Variants in LINGO2 observed in about 807,000 individuals in gnomAD.
LINGO2 encodes the protein leucine-rich repeat and immunoglobulin-like domain-containing nogo receptor-interacting protein 2.
Under a neutral mutation model 30.6 loss-of-function variants are expected in LINGO2, and 14 were observed. That is an observed-to-expected ratio of 0.46 (90% confidence interval 0.30 to 0.72). The LOEUF (loss-of-function observed/expected upper bound fraction) is 0.72. Ranked by LOEUF, LINGO2 falls within the 30% of genes least tolerant of loss-of-function variation. The probability of loss-of-function intolerance (pLI) is 0.07; values close to 1 mark genes in which losing one functional copy is unlikely to be tolerated. For synonymous variants in LINGO2, 317 were observed against 288.5 expected (o/e 1.10, Z -1.00); for missense variants, 729 against 751.7 (o/e 0.97, Z 0.35).
At chr9:28,707,935 T>C in the LINGO2 span, among the ~76,000 whole-genome samples, 91 of 152,160 alleles carry the variant, frequency 6.0e-4, no homozygotes, top group Middle Eastern at 3.4e-3. Context: ...TCAGAAAAAC[T>C]GCAAGTGAAA....
the LINGO2 span, among the ~76,000 whole-genome samples, chr9:28,907,377 A>T: frequency 6.6e-6 from 1 of 151,986 alleles, no homozygotes; most frequent in Non-Finnish European, 1.5e-5. Flanking sequence ...AAGAGAAAGT[A>T]GAGTAGAATA....
At chr9:28,980,499 A>G in the LINGO2 span, among the ~76,000 whole-genome samples, 1 of 152,028 alleles carries the variant, frequency 6.6e-6, no homozygotes, top group Non-Finnish European at 1.5e-5. Context: ...GTCTCTGGAG[A>G]AGAGTTTGTT....
chr9:28,912,533 T>C, the LINGO2 span, among the ~76,000 whole-genome samples: 2 of 152,082 alleles, frequency 1.3e-5, no homozygotes, highest in South Asian at 2.1e-4. Context: ...TATGTGACAG[T>C]TGCCCATAGG....
intron 4 of LINGO2, among the ~76,000 whole-genome samples, chr9:28,181,294 A>C (rs1288047653): frequency 6.6e-6 from 1 of 152,214 alleles, no homozygotes; most frequent in African/African-American, 2.4e-5. Flanking sequence ...CTGAGCAGAA[A>C]TATTGTGTAA....
intron 4 of LINGO2, among the ~76,000 whole-genome samples, chr9:28,081,530 C>A (rs948562531): frequency 6.6e-6 from 1 of 152,120 alleles, no homozygotes; most frequent in African/African-American, 2.4e-5. Flanking sequence ...GTATTTTATT[C>A]AATTACAATT....
At chr9:28,467,195 T>C (rs1825349130) in intron 2 of LINGO2, among the ~76,000 whole-genome samples, 1 of 151,970 alleles carries the variant, frequency 6.6e-6, no homozygotes, top group African/African-American at 2.4e-5. Context: ...CTGGCTAATT[T>C]TTTGTATTTT....
intron 1 of LINGO2, among the ~76,000 whole-genome samples, chr9:28,609,255 T>C (rs1307187530): frequency 6.6e-6 from 1 of 151,542 alleles, no homozygotes; most frequent in Non-Finnish European, 1.5e-5. Context: ...CTAGCAAGGA[T>C]GCAAAATATA....
At chr9:28,674,268 T>C (rs1256006191), upstream of LINGO2, among the ~76,000 whole-genome samples, 2 of 152,100 alleles carry the variant, frequency 1.3e-5, no homozygotes, top group African/African-American at 4.8e-5. Flanking sequence ...TACAATAATG[T>C]AATAATCTTT....
chr9:28,353,224 A>C (rs1312011532), intron 3 of LINGO2, among the ~76,000 whole-genome samples: 5 of 135,412 alleles, frequency 3.7e-5, no homozygotes, highest in East Asian at 2.1e-4. Flanking sequence ...CAACCTACAA[A>C]ATGGGAGAAA....
the LINGO2 span, among the ~76,000 whole-genome samples, chr9:29,056,905 T>C: frequency 6.6e-6 from 1 of 152,194 alleles, no homozygotes; most frequent in African/African-American, 2.4e-5. Context: ...TGTAAGAATT[T>C]GGCTTTATTT....
the LINGO2 span, among the ~76,000 whole-genome samples, chr9:29,041,251 T>G: frequency 6.6e-6 from 1 of 151,982 alleles, no homozygotes; most frequent in African/African-American, 2.4e-5. Context: ...AACCTATCAA[T>G]TTTCCCCAAA....
intron 4 of LINGO2, among the ~76,000 whole-genome samples, chr9:28,134,661 G>A (rs1433308545): frequency 2.6e-5 from 4 of 152,214 alleles, no homozygotes; most frequent in Non-Finnish European, 4.4e-5. Flanking sequence ...TGGAGATGTA[G>A]TAAACATGGC....
chr9:27,984,875 T>C (rs955040890), intron 5 of LINGO2, among the ~76,000 whole-genome samples: 1 of 151,894 alleles, frequency 6.6e-6, no homozygotes, highest in Non-Finnish European at 1.5e-5. Flanking sequence ...TTAAATGACT[T>C]GCCCAAGGTC....
chr9:29,123,212 A>T, the LINGO2 span, among the ~76,000 whole-genome samples: 69 of 152,222 alleles, frequency 4.5e-4, no homozygotes, highest in Non-Finnish European at 8.4e-4. Context: ...ACAATCAATG[A>T]AACAGACAAC....
chr9:28,697,132 C>A, the LINGO2 span, among the ~76,000 whole-genome samples: 1 of 151,884 alleles, frequency 6.6e-6, no homozygotes, highest in Admixed American at 6.6e-5. Flanking sequence ...GCCTTTTATT[C>A]CTTGACTGAT....
the LINGO2 span, among the ~76,000 whole-genome samples, chr9:29,074,005 T>C: frequency 6.7e-6 from 1 of 149,156 alleles, no homozygotes; most frequent in Admixed American, 6.8e-5. Context: ...ACATCTTGGA[T>C]TTTCACAATT....
the LINGO2 span, among the ~76,000 whole-genome samples, chr9:28,975,162 T>C: frequency 6.6e-6 from 1 of 151,704 alleles, no homozygotes; most frequent in Non-Finnish European, 1.5e-5. Flanking sequence ...CTGAGGTTGG[T>C]CTAAGATGCT....
At chr9:28,953,292 T>G in the LINGO2 span, among the ~76,000 whole-genome samples, 1 of 152,146 alleles carries the variant, frequency 6.6e-6, no homozygotes, top group Non-Finnish European at 1.5e-5. Context: ...AGATAGAAAG[T>G]TGTCTTATAT....
intron 3 of LINGO2, among the ~76,000 whole-genome samples, chr9:28,345,852 G>A (rs1819543356): frequency 1.3e-5 from 2 of 152,038 alleles, no homozygotes; most frequent in Non-Finnish European, 2.9e-5. Flanking sequence ...TAAAATAAAT[G>A]TTTCCTAAAC....
Sources: gnomAD v4.1 joint callset for allele counts (sites outside exome capture counted in the v4.1 genomes callset) on GRCh38, gnomAD v4.1.1 for gene constraint, MANE v1.5 for transcripts, NCBI Gene and HGNC (gene_info 2026-07-23, HGNC 2026-07-21) for gene names.